CLMN: variants seen among roughly 807,000 people sequenced by gnomAD.
CLMN encodes calmin (calponin-like, transmembrane).
In CLMN, 57 loss-of-function variants were observed where a neutral mutation model predicts 92.7. The observed-to-expected ratio is 0.61, with a 90% CI of 0.50 to 0.77. The LOEUF (loss-of-function observed/expected upper bound fraction) is 0.77, where lower values mean the gene tolerates loss of function less well. Among genes scored for constraint, CLMN ranks in the 30% least tolerant of loss-of-function variants. The pLI is 0.00. For synonymous variants in CLMN, 466 were observed against 470.6 expected, an observed-to-expected ratio of 0.99 and a Z score of 0.13; for missense variants, 1,158 against 1,237.5, an observed-to-expected ratio of 0.94 and a Z score of 0.96.
chr14:95,236,020 T>C (rs1898043452), intron 1 of CLMN, among the ~76,000 whole-genome samples: 1 of 152,176 alleles, frequency 6.6e-6, no homozygotes, highest in Non-Finnish European at 1.5e-5. Context: ...TGGGTGAGCC[T>C]GCCCTGCCAA....
chr14:95,194,656 T>C lies in CLMN; in HGVS notation c.2709-60A>G, dbSNP rs1206322490. ...CCTGGAGCTCTTCATGGCTCAGTTG[T>C]ACGGTCACCCCCATCCTGGGGTTTC... On this transcript the variant is annotated intron_variant, in intron 10 of 12. Coordinates refer to ENST00000298912, the MANE Select transcript of CLMN (RefSeq NM_024734.4). This position sits in a 1 kb window ranked among gnomAD's most constrained non-coding sequence, Gnocchi z 4.0. The C allele has an allele frequency of 1.4e-5, 21 of 1,520,396 alleles. No individual in the cohort carries two copies. In the East Asian group the frequency reaches 3.4e-4, roughly 24 times the overall value. The allele number at this position is 1,520,396 out of a possible 1,614,324, so 94.2% of individuals were successfully genotyped here.
chr14:95,272,633 T>C (rs1899758023), intron 1 of CLMN, among the ~76,000 whole-genome samples: 1 of 152,218 alleles, frequency 6.6e-6, no homozygotes, highest in African/African-American at 2.4e-5. Context: ...TGTGAGTGCT[T>C]CATTCTTCCT....
At chr14:95,262,205 A>T (rs10149008) in intron 1 of CLMN, among the ~76,000 whole-genome samples, 12,098 of 151,840 alleles carry the variant, frequency 0.08, 632 homozygotes, top group African/African-American at 0.14. Flanking sequence ...GCTCCAGGGG[A>T]CTCTCACTGA....
chr14:95,302,993 G>A (rs1170715005), intron 1 of CLMN, among the ~76,000 whole-genome samples: 1 of 152,220 alleles, frequency 6.6e-6, no homozygotes, highest in South Asian at 2.1e-4. Context: ...GTAGTGATTT[G>A]TTCTTTACTG....
At position 95,185,201 on chromosome 14, in the gene CLMN, C is replaced by T. The variant is rs973819692; in HGVS notation, c.*6363G>A. 3 of 152,218 alleles carry T rather than the reference C, an allele frequency of 2.0e-5. No individual in the cohort carries two copies. Among genetic ancestry groups the T allele is most frequent in the Non-Finnish European group, 4.4e-5 (3 of 68,060 alleles). The allele number at this position is 152,218 out of a possible 1,614,324, so 9.4% of individuals were successfully genotyped here. ...ATGGAAATGGAACCTGTGCAAAGTC[C>T]ATGCAAAGTCTGTGCACCGGGCTCA... On this transcript the variant is annotated 3_prime_UTR_variant, in exon 13 of 13. Coordinates refer to ENST00000298912, the MANE Select transcript of CLMN (RefSeq NM_024734.4).
intron 1 of CLMN, among the ~76,000 whole-genome samples, chr14:95,251,129 G>C (rs1199362639): frequency 6.6e-6 from 1 of 152,170 alleles, no homozygotes; most frequent in Non-Finnish European, 1.5e-5. Flanking sequence ...TGCACTCAAT[G>C]ATCTCATGTG....
intron 8 of CLMN, among the ~76,000 whole-genome samples, chr14:95,208,872 T>C (rs1830849597): frequency 6.6e-6 from 1 of 152,336 alleles, no homozygotes; most frequent in African/African-American, 2.4e-5. Flanking sequence ...CTCGTTCCTT[T>C]GTCTAGCACA....
At chr14:95,251,561 A>T (rs28402329) in intron 1 of CLMN, among the ~76,000 whole-genome samples, 18,912 of 152,232 alleles carry the variant, frequency 0.12, 1,725 homozygotes, top group African/African-American at 0.25. Context: ...AGTTCTGTGC[A>T]TGGCTCTGGG....
rs1899181779 is a variant in CLMN, at chr14:95,259,894, C to T, written c.83-29761G>A. On this transcript the variant is annotated intron_variant, in intron 1 of 12. Coordinates refer to ENST00000298912, the MANE Select transcript of CLMN (RefSeq NM_024734.4). The surrounding 1 kb of genome is among the most constrained non-coding windows in gnomAD (Gnocchi z 4.3). ...TTGCGCTTGGTGGCTCCTGAATATG[C>T]CTGCTTGCCTGGGGCTCCAGGCCTT... Among the ~76,000 whole-genome samples, 2 of 152,136 alleles carry T rather than the reference C, an allele frequency of 1.3e-5. No individual in the cohort carries two copies. The highest frequency in any genetic ancestry group is 4.8e-5 in the African/African-American group (2 of 41,428).
At chr14:95,216,778 C>A (rs1016667241) in intron 4 of CLMN, among the ~76,000 whole-genome samples, 1 of 152,238 alleles carries the variant, frequency 6.6e-6, no homozygotes, top group African/African-American at 2.4e-5. Context: ...CAGAATGATG[C>A]TCCTGGTAAA....
Position 95,191,511 on chromosome 14 carries a change from G to C in CLMN, c.*53C>G. The C allele has an allele frequency of 6.7e-7, 1 of 1,502,212 alleles. No individual in the cohort carries two copies. The highest frequency in any genetic ancestry group is 8.9e-7 in the Non-Finnish European group (1 of 1,119,098). 93.1% of individuals were successfully genotyped at this position (1,502,212 alleles called of 1,614,324 possible). A position where few individuals can be genotyped will look rare whatever the true frequency, so the allele number is the denominator to read the frequency against. ...CACCCAGAACCCAAAATAAAATGAA[G>C]TAACCCCGCCCCTGGTCAGGGTCCT... is the stretch of plus-strand genomic sequence containing the variant. On this transcript the variant is annotated 3_prime_UTR_variant, in exon 13 of 13. Coordinates refer to ENST00000298912, the MANE Select transcript of CLMN (RefSeq NM_024734.4). This position sits in a 1 kb window ranked among gnomAD's most constrained non-coding sequence, Gnocchi z 5.3.
chr14:95,302,429 AAT>A (rs1204633719), intron 1 of CLMN, among the ~76,000 whole-genome samples: 1 of 152,186 alleles, frequency 6.6e-6, no homozygotes, highest in Non-Finnish European at 1.5e-5. Context: ...CCACACACAA[AAT>A]GTTACATTTT....
At chr14:95,313,460 G>A (rs1217502633) in intron 1 of CLMN, among the ~76,000 whole-genome samples, 2 of 152,196 alleles carry the variant, frequency 1.3e-5, no homozygotes, top group African/African-American at 2.4e-5. Flanking sequence ...TACACAAAAA[G>A]AGGCAGCAGG....
intron 1 of CLMN, among the ~76,000 whole-genome samples, chr14:95,319,278 G>T (rs1384361852): frequency 6.7e-6 from 1 of 150,366 alleles, no homozygotes; most frequent in African/African-American, 2.5e-5. Context: ...CCCTTGCCTC[G>T]AAGGTACTTA....
rs1228434516 is a variant in CLMN, at chr14:95,215,813, CTCTGTG to C, written c.325-86_325-81del. Reference sequence around the variant, plus strand: ...TGTTATTTTCTGGTTCTCTCTCTCTCTCTGTGTGTGTGTGTGTGTGTGTGTGTGTGT... The same window carrying C: ...TGTTATTTTCTGGTTCTCTCTCTCTCTGTGTGTGTGTGTGTGTGTGTGTGT... On this transcript the variant is annotated intron_variant, in intron 4 of 12. Coordinates refer to ENST00000298912, the MANE Select transcript of CLMN (RefSeq NM_024734.4). 154 of 851,312 alleles carry C rather than the reference CTCTGTG, an allele frequency of 1.8e-4. No homozygotes were observed. The East Asian group carries it at 2.2e-3, about 12-fold the overall frequency. The allele number at this position is 851,312 out of a possible 1,614,324, so 52.7% of individuals were successfully genotyped here.
At chr14:95,212,329 C>T (rs533394462) in intron 6 of CLMN, among the ~76,000 whole-genome samples, 1 of 152,208 alleles carries the variant, frequency 6.6e-6, no homozygotes, top group African/African-American at 2.4e-5. Context: ...CCAGTCTGTA[C>T]GCTGAGGAGC....
Position 95,266,566 on chromosome 14 carries a change from T to A in CLMN, c.83-36433A>T, listed in dbSNP as rs72710130. On this transcript the variant is annotated intron_variant, in intron 1 of 12. Transcript: ENST00000298912. ...TGAAGAAGACAAAACAATGGAAAGA[T>A]ATTCCATGTTCATGGATTGGAAGAA... Among the ~76,000 whole-genome samples, 5 of 152,288 alleles carry A rather than the reference T, an allele frequency of 3.3e-5. No individual in the cohort carries two copies. In the East Asian group the frequency reaches 9.6e-4, roughly 29 times the overall value.
intron 1 of CLMN, among the ~76,000 whole-genome samples, chr14:95,287,846 T>G (rs1286126092): frequency 1.3e-5 from 2 of 152,192 alleles, no homozygotes; most frequent in Non-Finnish European, 2.9e-5. Flanking sequence ...GAGAGGCTCC[T>G]AGCCAGCTAT....
chr14:95,295,213 AAAT>A (rs1170836644), intron 1 of CLMN, among the ~76,000 whole-genome samples: 1 of 152,234 alleles, frequency 6.6e-6, no homozygotes. Flanking sequence ...CTCCTGGGGA[AAAT>A]GTGTTCAGGC....
Sources: gnomAD v4.1 joint callset for allele counts (sites outside exome capture counted in the v4.1 genomes callset) on GRCh38, gnomAD v4.1.1 for gene constraint, Gnocchi (gnomAD v3.1) non-coding constraint, MANE v1.5 for transcripts, NCBI Gene and HGNC (gene_info 2026-07-23, HGNC 2026-07-21) for gene names.